Variants in ST6GALNAC5 observed in about 807,000 individuals in gnomAD.
ST6GALNAC5 encodes alpha-N-acetylgalactosaminide alpha-2,6-sialyltransferase 5.
In ST6GALNAC5, 27 loss-of-function variants were observed where a neutral mutation model predicts 33.6. The observed-to-expected ratio is 0.80, with a 90% CI of 0.59 to 1.11. The LOEUF is 1.11. Ranked by LOEUF, ST6GALNAC5 falls within the 50% of genes least tolerant of loss-of-function variation. ST6GALNAC5 has a pLI of 0.00. For synonymous variants in ST6GALNAC5, 194 were observed against 171.2 expected (o/e 1.13, Z -1.04); for missense variants, 428 against 454.0 (o/e 0.94, Z 0.52).
chr1:76,916,449 C>G (rs922794423), intron 2 of ST6GALNAC5, among the ~76,000 whole-genome samples: 3 of 152,082 alleles, frequency 2.0e-5, no homozygotes, highest in African/African-American at 7.2e-5. Context: ...GAACTGAAAA[C>G]TTTTATGATC....
intron 2 of ST6GALNAC5, among the ~76,000 whole-genome samples, chr1:76,928,540 A>G (rs1049942336): frequency 2.6e-5 from 4 of 152,118 alleles, no homozygotes; most frequent in African/African-American, 9.7e-5. Flanking sequence ...GGAAACATTA[A>G]GGATTCTGAT....
intron 4 of ST6GALNAC5, among the ~76,000 whole-genome samples, chr1:77,058,388 C>T (rs1652469722): frequency 6.6e-6 from 1 of 152,196 alleles, no homozygotes; most frequent in Non-Finnish European, 1.5e-5. Context: ...GCAGATCCCT[C>T]ATGAATAGAT....
chr1:76,927,698 A>G (rs936077810), intron 2 of ST6GALNAC5, among the ~76,000 whole-genome samples: 3 of 152,072 alleles, frequency 2.0e-5, no homozygotes, highest in African/African-American at 4.8e-5. Flanking sequence ...TTAATGGGAC[A>G]TGAGGTCTTT....
chr1:76,956,462 C>A (rs1337502758), intron 2 of ST6GALNAC5, among the ~76,000 whole-genome samples: 1 of 152,162 alleles, frequency 6.6e-6, no homozygotes, highest in Admixed American at 6.5e-5. Flanking sequence ...GCTCCAGAGT[C>A]CACAGGCTAA....
intron 2 of ST6GALNAC5, among the ~76,000 whole-genome samples, chr1:76,891,441 G>A (rs939748057): frequency 2.0e-5 from 3 of 151,968 alleles, no homozygotes; most frequent in Admixed American, 2.0e-4. Context: ...TTATTGGATT[G>A]TTTTTATTTT....
rs1361170971 is a variant in ST6GALNAC5, at chr1:76,970,812, A to T, written c.262-73392A>T. On this transcript the variant is annotated intron_variant, in intron 2 of 4. Coordinates refer to ENST00000477717, the MANE Select transcript of ST6GALNAC5 (RefSeq NM_030965.3). ...AGTATCATTAAGAATCATGTGTTGC[A>T]TGTAGCTGGGGTCTGTTCATTTTCA... is the stretch of plus-strand genomic sequence containing the variant. Among the ~76,000 whole-genome samples, 4 of 152,144 alleles carry T rather than the reference A, an allele frequency of 2.6e-5. No homozygotes were observed. The East Asian group carries it at 7.7e-4, about 29-fold the overall frequency.
At chr1:76,875,243 GT>G (rs111762137) in intron 2 of ST6GALNAC5, among the ~76,000 whole-genome samples, 3 of 151,966 alleles carry the variant, frequency 2.0e-5, no homozygotes, top group African/African-American at 4.8e-5. Flanking sequence ...GCAGGTCATG[GT>G]TTTTTTTCCT....
chr1:76,989,263 T>C (rs996810414), intron 2 of ST6GALNAC5, among the ~76,000 whole-genome samples: 1 of 152,076 alleles, frequency 6.6e-6, no homozygotes, highest in African/African-American at 2.4e-5. Flanking sequence ...CCATTTTGTT[T>C]TTATTTCCTT....
intron 2 of ST6GALNAC5, among the ~76,000 whole-genome samples, chr1:76,897,142 G>A (rs776052969): frequency 1.9e-4 from 29 of 152,084 alleles, no homozygotes; most frequent in Non-Finnish European, 3.5e-4. Flanking sequence ...GAAGCTTTGC[G>A]GCAGTACAGC....
rs34481431 is a variant in ST6GALNAC5, at chr1:76,890,545, G to GTTT, written c.261+21814_261+21816dup. Among the ~76,000 whole-genome samples, 85 of 145,546 alleles carry GTTT rather than the reference G, an allele frequency of 5.8e-4. 1 individual carries two copies. The highest frequency in any genetic ancestry group is 1.7e-3 in the African/African-American group (68 of 39,676). On this transcript the variant is annotated intron_variant, in intron 2 of 4. Coordinates refer to ENST00000477717, the MANE Select transcript of ST6GALNAC5 (RefSeq NM_030965.3). ...TTCATTATGCTAGATTTTTACTTCA[G>GTTT]TTTTTTTTTTTTTGAGCTCTGTGGA...
At chr1:77,041,257 C>T (rs1212191829) in intron 2 of ST6GALNAC5, among the ~76,000 whole-genome samples, 3 of 152,204 alleles carry the variant, frequency 2.0e-5, no homozygotes, top group African/African-American at 4.8e-5. Flanking sequence ...AATGTTCCCT[C>T]ATCTTTGGTC....
At chr1:76,996,285 CTG>C (rs372135094) in intron 2 of ST6GALNAC5, among the ~76,000 whole-genome samples, 13 of 152,306 alleles carry the variant, frequency 8.5e-5, no homozygotes, top group Non-Finnish European at 1.0e-4. Flanking sequence ...GTTTGTGACT[CTG>C]TGCCCGTGTA....
intron 2 of ST6GALNAC5, among the ~76,000 whole-genome samples, chr1:76,943,154 G>A (rs908837372): frequency 1.3e-5 from 2 of 152,024 alleles, no homozygotes; most frequent in Admixed American, 6.6e-5. Flanking sequence ...TATATTAGAG[G>A]TATCAATTCA....
intron 2 of ST6GALNAC5, among the ~76,000 whole-genome samples, chr1:76,933,915 C>T (rs1164416385): frequency 6.6e-6 from 1 of 151,944 alleles, no homozygotes; most frequent in Non-Finnish European, 1.5e-5. Context: ...CCTGCCACTC[C>T]CCCTTTGTCT....
At chr1:77,018,057 C>T (rs1227756336) in intron 2 of ST6GALNAC5, among the ~76,000 whole-genome samples, 1 of 152,144 alleles carries the variant, frequency 6.6e-6, no homozygotes, top group African/African-American at 2.4e-5. Flanking sequence ...CCTTCATTGG[C>T]GCTGAGCAGT....
At position 77,044,654 on chromosome 1, in the gene ST6GALNAC5, A is replaced by C. The variant is rs372290495; in HGVS notation, c.671+41A>C. On this transcript the variant is annotated intron_variant, in intron 3 of 4. Transcript: ENST00000477717. ...GAAGAAGATGCAGGGGAGGGTGAGG[A>C]TAAGTCATCACTGGCTGACTCACCC... 112 of 1,513,886 alleles carry C rather than the reference A, an allele frequency of 7.4e-5. No individual in the cohort carries two copies. The African/African-American group carries it at 1.3e-3, about 17-fold the overall frequency. The allele number at this position is 1,513,886 out of a possible 1,614,324, so 93.8% of individuals were successfully genotyped here. A position where few individuals can be genotyped will look rare whatever the true frequency, so the allele number is the denominator to read the frequency against.
At chr1:77,062,503 G>T (rs1246130582) in intron 4 of ST6GALNAC5, among the ~76,000 whole-genome samples, 1 of 152,144 alleles carries the variant, frequency 6.6e-6, no homozygotes, top group Non-Finnish European at 1.5e-5. Flanking sequence ...AATCCACAAG[G>T]CTGGGTGGAT....
intron 2 of ST6GALNAC5, among the ~76,000 whole-genome samples, chr1:76,919,273 G>C (rs1437059686): frequency 6.6e-6 from 1 of 151,948 alleles, no homozygotes; most frequent in African/African-American, 2.4e-5. Context: ...TCCCGTCTTG[G>C]GCTGCTTGGC....
rs66721550 is a variant in ST6GALNAC5 at position 76,872,068 on chromosome 1, AACACACACAC to A, written c.261+3367_261+3376del. On this transcript the variant is annotated intron_variant, in intron 2 of 4. Transcript: ENST00000477717. ...CTGTAGCCTAATGTATAACCAAGCTAACACACACACACACACACACACACACACACACACA... is the reference window on the plus strand; with the variant it reads ...CTGTAGCCTAATGTATAACCAAGCTAACACACACACACACACACACACACA... Among the ~76,000 whole-genome samples, 452 of 130,292 alleles carry A rather than the reference AACACACACAC, an allele frequency of 3.5e-3. 5 individuals carry two copies. The highest frequency in any genetic ancestry group is 7.5e-3 in the African/African-American group (258 of 34,340). The allele number at this position is 130,292 out of a possible 152,430, so 85.5% of individuals were successfully genotyped here. A position where few individuals can be genotyped will look rare whatever the true frequency, so the allele number is the denominator to read the frequency against.
Sources: allele counts gnomAD v4.1 joint callset (sites outside exome capture counted in the v4.1 genomes callset), GRCh38; gene constraint gnomAD v4.1.1; transcripts MANE v1.5; gene names NCBI Gene and HGNC (gene_info 2026-07-23, HGNC 2026-07-21).